Variants in RAB29 observed in about 807,000 individuals in gnomAD.
RAB29 encodes the protein ras-related protein Rab-29.
A neutral mutation model predicts 25.5 loss-of-function variants in RAB29; 13 were observed. The observed-to-expected ratio is 0.51, with a 90% confidence interval of 0.33 to 0.81. The LOEUF is 0.81. Ranked by LOEUF, RAB29 falls within the 30% of genes least tolerant of loss-of-function variation. The pLI, the probability that RAB29 is intolerant of heterozygous loss-of-function variation, is 0.02. For missense variants in RAB29, 201 were observed against 254.9 expected (o/e 0.79, Z 1.44); for synonymous variants, 88 against 95.0 (o/e 0.93, Z 0.43).
At position 205,771,633 on chromosome 1, in the gene RAB29, T is replaced by C. The variant is rs1226805825; in HGVS notation, c.217A>G (p.Met73Val). 4 of 1,613,954 alleles carry C rather than the reference T, an allele frequency of 2.5e-6. No individual in the cohort carries two copies. The highest frequency in any genetic ancestry group is 1.1e-5 in the South Asian group (1 of 91,082). The change falls in exon 4 of 6, where the codon ATG becomes GTG. Residue 73 changes from methionine to valine, a missense_variant. Transcript: ENST00000367139. ...GCATCCCGATAATACAATCGTGTCA[T>C]AGAGGTGAAGCGCTCCTGCCCTGGG... ...DIAGQERFTS[M>V]TRLYYRDASA...
chr1:205,774,619 G>A (rs762188410), intron 2 of RAB29, among the ~76,000 whole-genome samples: 1 of 152,184 alleles, frequency 6.6e-6, no homozygotes, highest in Non-Finnish European at 1.5e-5. Context: ...CTGGCAGTGG[G>A]CTCAGTTTGG....
In RAB29 at chr1:205,772,574, A is replaced by T; in HGVS notation, c.125-7T>A. The T allele has an allele frequency of 6.2e-7, 1 of 1,606,840 alleles. No individual in the cohort carries two copies. Among genetic ancestry groups the T allele is most frequent in the Non-Finnish European group, 8.5e-7 (1 of 1,173,432 alleles). On this transcript the variant is annotated splice_region_variant and splice_polypyrimidine_tract_variant and intron_variant, in intron 2 of 5. Coordinates refer to ENST00000367139, the MANE Select transcript of RAB29 (RefSeq NM_003929.3). ...ACCTTCAGAGCAAAATCCACTGAAA[A>T]TATATGTACATTATACTTTAATAAA...
Position 205,774,850 on chromosome 1 carries a change from T to C in RAB29, c.107A>G (p.Tyr36Cys), listed in dbSNP as rs758844451. 17 of 1,533,230 alleles carry C rather than the reference T, an allele frequency of 1.1e-5. No homozygotes were observed. Among genetic ancestry groups the C allele is most frequent in the South Asian group, 3.3e-5 (3 of 89,890 alleles). The allele number at this position is 1,533,230 out of a possible 1,614,324, so 95.0% of individuals were successfully genotyped here. A position where few individuals can be genotyped will look rare whatever the true frequency, so the allele number is the denominator to read the frequency against. Reference sequence around the variant, plus strand: ...CGTCTCACCTCCCACCGTGGACTTGTAGTGTTTGCTGAAGCTGTCCTGGGA... The same window carrying C: ...CGTCTCACCTCCCACCGTGGACTTGCAGTGTTTGCTGAAGCTGTCCTGGGA... ...RYSQDSFSKH[Y>C]KSTVGVDFAL... The change falls in exon 2 of 6, where the codon TAC (tyrosine) becomes TGC (cysteine). Residue 36 changes from tyrosine (Y) to cysteine (C), a missense_variant. Physicochemically the swap from Tyr to Cys is radical, Grantham distance 194. Coordinates refer to ENST00000367139, the MANE Select transcript of RAB29 (RefSeq NM_003929.3).
chr1:205,770,973 G>A (rs536422310), intron 4 of RAB29, 119 bp from the exon 5 acceptor site: 50 of 1,306,938 alleles, frequency 3.8e-5, no homozygotes, highest in African/African-American at 1.0e-4. Flanking sequence ...CACCAGCATC[G>A]GAAATCTATA....
chr1:205,770,901 C>G, intron 4 of RAB29, 47 bp from the exon 5 acceptor site: 1 of 1,606,870 alleles, frequency 6.2e-7, no homozygotes, highest in Non-Finnish European at 8.5e-7. Context: ...CTTCCTGCAA[C>G]TAAGAAAGAA....
Position 205,770,349 on chromosome 1 carries a change from C to A in RAB29, c.605G>T (p.Cys202Phe), listed in dbSNP as rs1654922039. 1 of 1,612,888 alleles carries A rather than the reference C, an allele frequency of 6.2e-7. No homozygotes were observed. Among genetic ancestry groups the A allele is most frequent in the Non-Finnish European group, 8.5e-7 (1 of 1,178,946 alleles). The change falls in exon 6 of 6, where the codon TGC (cysteine) becomes TTC (phenylalanine). Residue 202 changes from cysteine to phenylalanine, a missense_variant. Physicochemically the swap from Cys to Phe is radical, Grantham distance 205. Coordinates refer to ENST00000367139, the MANE Select transcript of RAB29 (RefSeq NM_003929.3). ...AAAATAAGCCAAACACTACTAGCAG[C>A]AGGACCAGCTGGAGGACTTGGTTTG... ...NLQTKSSSWS[C>F]C
rs2102465119 is a variant in RAB29 at position 205,768,812 on chromosome 1, G to C, written c.*1530C>G. ...AGCCTCCCAAAGTGCTGGGATTACA[G>C]GTGTGAGCCACCACGGCTGGCTCAG... is the stretch of plus-strand genomic sequence containing the variant. On this transcript the variant is annotated 3_prime_UTR_variant, in exon 6 of 6. Transcript: ENST00000367139. The C allele has an allele frequency of 6.6e-6, 1 of 152,220 alleles. No individual in the cohort carries two copies. Among genetic ancestry groups the C allele is most frequent in the South Asian group, 2.1e-4 (1 of 4,822 alleles). The allele number at this position is 152,220 out of a possible 1,614,324, so 9.4% of individuals were successfully genotyped here. A position where few individuals can be genotyped will look rare whatever the true frequency, so the allele number is the denominator to read the frequency against.
intron 5 of RAB29, 24 bp downstream of exon 5, chr1:205,770,709 T>C: frequency 6.2e-7 from 1 of 1,613,884 alleles, no homozygotes; most frequent in Non-Finnish European, 8.5e-7. Flanking sequence ...TACATCTGCA[T>C]GCCTATCAGC....
intron 4 of RAB29, 166 bp from the exon 5 acceptor site, chr1:205,771,020 T>C: frequency 1.0e-6 from 1 of 968,624 alleles, no homozygotes; most frequent in South Asian, 1.6e-5. Context: ...CACCCTTGGC[T>C]GGGCGCAGTG....
At position 205,774,892 on chromosome 1, in the gene RAB29, G is replaced by A. The variant is rs775151238; in HGVS notation, c.65C>T (p.Ser22Leu). The A allele has an allele frequency of 6.6e-5, 106 of 1,600,992 alleles. 1 individual carries two copies. The Admixed American group carries it at 1.6e-3, about 24-fold the overall frequency. The change falls in exon 2 of 6, where the codon TCG becomes TTG. Residue 22 changes from serine (S) to leucine (L), a missense_variant. Physicochemically the swap from Ser to Leu is moderately radical, Grantham distance 145 (BLOSUM62 -2). Coordinates refer to ENST00000367139, the MANE Select transcript of RAB29 (RefSeq NM_003929.3). The stretch of plus-strand genomic sequence containing the variant: ...GTCCTGGGAATATCGCTGCACCAGC[G>A]ACGTCTTGCCCACTGCGGCGTCCCC... ...VVGDAAVGKTSLVQRYSQDSF... is the reference protein window; with the variant it reads ...VVGDAAVGKTLLVQRYSQDSF...
chr1:205,770,009 A>G lies in RAB29; in HGVS notation c.*333T>C, dbSNP rs978085181. The G allele has an allele frequency of 1.3e-5, 4 of 318,594 alleles. No individual in the cohort carries two copies. Among genetic ancestry groups the G allele is most frequent in the African/African-American group, 8.5e-5 (4 of 46,896 alleles). The allele number at this position is 318,594 out of a possible 1,614,324, so 19.7% of individuals were successfully genotyped here. ...TATCAAATGGAAAAATAAGCTCAGA[A>G]GTAGGTGAGAATTATGATCTCTAAA... On this transcript the variant is annotated 3_prime_UTR_variant, in exon 6 of 6. Coordinates refer to ENST00000367139, the MANE Select transcript of RAB29 (RefSeq NM_003929.3).
At position 205,770,244 on chromosome 1, in the gene RAB29, C is replaced by T. The variant is rs1654917568; in HGVS notation, c.*98G>A. 2 of 974,716 alleles carry T rather than the reference C, an allele frequency of 2.1e-6. No homozygotes were observed. The highest frequency in any genetic ancestry group is 1.6e-5 in the African/African-American group (1 of 61,884). The allele number at this position is 974,716 out of a possible 1,614,324, so 60.4% of individuals were successfully genotyped here. On this transcript the variant is annotated 3_prime_UTR_variant, in exon 6 of 6. Coordinates refer to ENST00000367139, the MANE Select transcript of RAB29 (RefSeq NM_003929.3). ...TCCTTACTGGACAGTAGTCAGGAGA[C>T]AATTCAAATGTACTTAATAAAATTG...
chr1:205,774,713 T>C (rs746333971), intron 2 of RAB29, 120 bp downstream of exon 2: 1 of 1,087,528 alleles, frequency 9.2e-7, no homozygotes, highest in East Asian at 2.6e-5. Context: ...CAGTACTTCC[T>C]GACCCGAAGA....
In RAB29 at chr1:205,775,456, G is replaced by C. The variant is rs1006102593; in HGVS notation, c.-314C>G. 6.5e-6 allele frequency: 1 copy of C among 154,570 alleles called. No homozygotes were observed. The highest frequency in any genetic ancestry group is 2.4e-5 in the African/African-American group (1 of 41,476). 9.6% of individuals were successfully genotyped at this position (154,570 alleles called of 1,614,324 possible). Reference sequence around the variant, plus strand: ...CTCTCTCTCCCCTTCCTCCGCAAGCGTCACGTGCAGGGTTGCCTGTGGCAC... The same window carrying C: ...CTCTCTCTCCCCTTCCTCCGCAAGCCTCACGTGCAGGGTTGCCTGTGGCAC... On this transcript the variant is annotated 5_prime_UTR_variant, in exon 1 of 6. Coordinates refer to ENST00000367139, the MANE Select transcript of RAB29 (RefSeq NM_003929.3).
chr1:205,774,816 C>A lies in RAB29; in HGVS notation c.124+17G>T, dbSNP rs764024639. ...CTCCTCCTCCCCCTCCCCCTCCCCA[C>A]CCCCGAGACGTCTCACCTCCCACCG... On this transcript the variant is annotated intron_variant, in intron 2 of 5. Coordinates refer to ENST00000367139, the MANE Select transcript of RAB29 (RefSeq NM_003929.3). 1.4e-5 allele frequency: 22 copies of A among 1,574,258 alleles called. No homozygotes were observed. The East Asian group carries it at 2.8e-4, about 20-fold the overall frequency.
intron 4 of RAB29, chr1:205,771,099 C>T (rs572038990): frequency 4.1e-6 from 2 of 491,256 alleles, no homozygotes; most frequent in East Asian, 4.2e-5. Flanking sequence ...GAGAGCGAGA[C>T]CATCCTGGCT....
rs1444388984 is a variant in RAB29, at chr1:205,768,916, A to C, written c.*1426T>G. On this transcript the variant is annotated 3_prime_UTR_variant, in exon 6 of 6. Coordinates refer to ENST00000367139, the MANE Select transcript of RAB29 (RefSeq NM_003929.3). ...TCCCGACCAGCCAGATTTGGGAACC[A>C]CTGACTTAGGACACTTATTTAAGGT... 6.6e-6 allele frequency: 1 copy of C among 152,200 alleles called. No individual in the cohort carries two copies. 9.4% of individuals were successfully genotyped at this position (152,200 alleles called of 1,614,324 possible). A position where few individuals can be genotyped will look rare whatever the true frequency, so the allele number is the denominator to read the frequency against.
intron 3 of RAB29, 112 bp downstream of exon 3, chr1:205,772,384 C>G: frequency 9.1e-7 from 1 of 1,094,690 alleles, no homozygotes; most frequent in East Asian, 2.4e-5. Context: ...GCAGCTCAAT[C>G]ATTCCAGCTT....
chr1:205,774,765 C>A (rs943436356), intron 2 of RAB29, 68 bp downstream of exon 2: 28 of 1,509,910 alleles, frequency 1.9e-5, no homozygotes, highest in Non-Finnish European at 2.5e-5. Flanking sequence ...CCACTTGGGT[C>A]CCCAGCTCGA....
Sources: allele counts gnomAD v4.1 joint callset (sites outside exome capture counted in the v4.1 genomes callset), GRCh38; gene constraint gnomAD v4.1.1; transcripts MANE v1.5; gene names NCBI Gene and HGNC (gene_info 2026-07-23, HGNC 2026-07-21).